Variants in USPL1 observed in about 807,000 individuals in gnomAD.
USPL1 encodes the protein SUMO-specific isopeptidase USPL1.
A neutral mutation model predicts 51.5 loss-of-function variants in USPL1; 27 were observed. That is an observed-to-expected ratio of 0.52 (90% confidence interval 0.39 to 0.72). USPL1 has a LOEUF of 0.72. USPL1 is among the 30% of genes least tolerant of loss of function. The pLI is 0.00. For synonymous variants in USPL1, 451 were observed against 459.6 expected (o/e 0.98, Z 0.24); for missense variants, 1,226 against 1,268.0 (o/e 0.97, Z 0.50).
chr13:30,639,478 C>T (rs1450337338), intron 5 of USPL1, among the ~76,000 whole-genome samples: 2 of 151,904 alleles, frequency 1.3e-5, no homozygotes, highest in Non-Finnish European at 2.9e-5. Flanking sequence ...TCTGATTTTT[C>T]GTATGCCAAA....
At chr13:30,640,619 G>GGCAGTGGT (rs771045850) in intron 5 of USPL1, among the ~76,000 whole-genome samples, 1 of 152,176 alleles carries the variant, frequency 6.6e-6, no homozygotes, top group Non-Finnish European at 1.5e-5. Flanking sequence ...GAAACCAGGA[G>GGCAGTGGT]GCAGTGGTTG....
chr13:30,651,787 C>A (rs1951095107), intron 7 of USPL1, among the ~76,000 whole-genome samples: 1 of 152,058 alleles, frequency 6.6e-6, no homozygotes, highest in African/African-American at 2.4e-5. Flanking sequence ...ATGGTGAAAC[C>A]CTGTCTTTAC....
chr13:30,631,114 G>A lies in USPL1; in HGVS notation c.508G>A (p.Glu170Lys). 2 of 1,614,152 alleles carry A rather than the reference G, an allele frequency of 1.2e-6. No homozygotes were observed. Among genetic ancestry groups the A allele is most frequent in the Non-Finnish European group, 1.7e-6 (2 of 1,180,048 alleles). ...TCCAATTAGGACAGCTGATTCCTTGGAGCGGAATGAGATTTTGGAAGCTGA... is the reference window on the plus strand; with the variant it reads ...TCCAATTAGGACAGCTGATTCCTTGAAGCGGAATGAGATTTTGGAAGCTGA... Reference protein sequence around the residue: ...QNPIRTADSLERNEILEADTV... With the variant: ...QNPIRTADSLKRNEILEADTV... The change falls in exon 4 of 9, where the codon GAG becomes AAG. Residue 170 changes from glutamate (E) to lysine (K), a missense_variant. Transcript: ENST00000255304.
intron 7 of USPL1, among the ~76,000 whole-genome samples, chr13:30,649,963 A>G (rs1951067670): frequency 4.6e-5 from 7 of 152,172 alleles, no homozygotes; most frequent in Admixed American, 4.6e-4. Context: ...CTCGACTCTG[A>G]GCATCATCCT....
rs1950790610 is a variant in USPL1 at position 30,630,746 on chromosome 13, TCTATACA to T, written c.229-88_229-82del. On this transcript the variant is annotated intron_variant, in intron 3 of 8. Transcript: ENST00000255304. Reference sequence around the variant, plus strand: ...CCTGTCATCAAATCAATGCTAACATTCTATACATGTTTTTCATGATATGAAAACTATA... The same window carrying T: ...CCTGTCATCAAATCAATGCTAACATTTGTTTTTCATGATATGAAAACTATA... 15 of 1,341,188 alleles carry T rather than the reference TCTATACA, an allele frequency of 1.1e-5. No individual in the cohort carries two copies. The South Asian group carries it at 2.1e-4, about 19-fold the overall frequency. The allele number at this position is 1,341,188 out of a possible 1,614,324, so 83.1% of individuals were successfully genotyped here.
intron 8 of USPL1, among the ~76,000 whole-genome samples, chr13:30,655,442 A>G (rs1396236232): frequency 6.6e-6 from 1 of 152,122 alleles, no homozygotes; most frequent in Non-Finnish European, 1.5e-5. Context: ...TAATCTTTGC[A>G]TTCCTTAAGA....
At chr13:30,655,216 C>T (rs1951145960) in intron 8 of USPL1, among the ~76,000 whole-genome samples, 1 of 152,216 alleles carries the variant, frequency 6.6e-6, no homozygotes, top group African/African-American at 2.4e-5. Flanking sequence ...GGATTACAGG[C>T]ATGAGCCACC....
intron 6 of USPL1, among the ~76,000 whole-genome samples, chr13:30,643,200 C>T (rs1334796057): frequency 1.3e-5 from 2 of 152,190 alleles, no homozygotes; most frequent in Non-Finnish European, 2.9e-5. Flanking sequence ...GAAGCCTACA[C>T]ATGAGTCTTC....
chr13:30,642,767 T>C lies in USPL1; in HGVS notation c.1112+10T>C. ...ACCAATATCAAAACAGGTTAGTTTC[T>C]TTTGTTTTTTAAAATGGGTTCTTCT... On this transcript the variant is annotated intron_variant, in intron 6 of 8. Coordinates refer to ENST00000255304, the MANE Select transcript of USPL1 (RefSeq NM_005800.5). The C allele has an allele frequency of 6.2e-7, 1 of 1,604,702 alleles. No individual in the cohort carries two copies. The highest frequency in any genetic ancestry group is 1.1e-5 in the South Asian group (1 of 89,578).
intron 5 of USPL1, among the ~76,000 whole-genome samples, chr13:30,639,367 CT>C (rs1412524087): frequency 6.6e-6 from 1 of 151,760 alleles, no homozygotes; most frequent in African/African-American, 2.4e-5. Flanking sequence ...CTAATTTTCA[CT>C]TTTTTTCCTA....
At chr13:30,629,302 G>C (rs1318069054) in intron 3 of USPL1, among the ~76,000 whole-genome samples, 2 of 152,084 alleles carry the variant, frequency 1.3e-5, no homozygotes, top group African/African-American at 4.8e-5. Flanking sequence ...CCAGGAGTTT[G>C]AGAGCAGCCT....
At chr13:30,646,756 A>G (rs1304596642) in intron 6 of USPL1, among the ~76,000 whole-genome samples, 176 bp from the exon 7 acceptor site, 1 of 152,218 alleles carries the variant, frequency 6.6e-6, no homozygotes, top group East Asian at 1.9e-4. Context: ...ATTAACATGG[A>G]GCATCTTCAC....
intron 1 of USPL1, among the ~76,000 whole-genome samples, chr13:30,618,600 A>C (rs1184551989): frequency 6.6e-6 from 1 of 151,994 alleles, no homozygotes; most frequent in Non-Finnish European, 1.5e-5. Context: ...ATTAAGTTTA[A>C]TTGAATACTT....
chr13:30,659,166 C>T lies in USPL1; in HGVS notation c.3089C>T (p.Thr1030Ile), dbSNP rs1307881587. ...LRQDHNYCSP[T>I]KKNPCEVQPD... ...CAGGACCATAATTATTGTAGCCCCA[C>T]CAAGAAAAATCCATGTGAAGTTCAG... is the stretch of plus-strand genomic sequence containing the variant. The change falls in exon 9 of 9, where the codon ACC (threonine) becomes ATC (isoleucine). Residue 1030 changes from threonine (T) to isoleucine (I), a missense_variant. Thr to Ile is a moderately conservative substitution (Grantham distance 89). Coordinates refer to ENST00000255304, the MANE Select transcript of USPL1 (RefSeq NM_005800.5). 3 of 1,613,938 alleles carry T rather than the reference C, an allele frequency of 1.9e-6. No homozygotes were observed. Among genetic ancestry groups the T allele is most frequent in the African/African-American group, 1.3e-5 (1 of 74,878 alleles).
At position 30,657,767 on chromosome 13, in the gene USPL1, A is replaced by G; in HGVS notation, c.1690A>G (p.Thr564Ala). ...TGCCCCTCGTACTCTTTCACAGGAC[A>G]CAGCTGTAACTCATGGAGATCATTT... Reference protein sequence around the residue: ...SVAPRTLSQDTAVTHGDHLLS... With the variant: ...SVAPRTLSQDAAVTHGDHLLS... The change falls in exon 9 of 9, where the codon ACA (threonine) becomes GCA (alanine). Residue 564 changes from threonine to alanine, a missense_variant. By Grantham distance (58) the Thr-to-Ala change is moderately conservative. Transcript: ENST00000255304. 1 of 1,614,182 alleles carries G rather than the reference A, an allele frequency of 6.2e-7. No homozygotes were observed. Among genetic ancestry groups the G allele is most frequent in the Non-Finnish European group, 8.5e-7 (1 of 1,180,032 alleles).
intron 3 of USPL1, among the ~76,000 whole-genome samples, chr13:30,623,152 G>C (rs1950665957): frequency 6.6e-6 from 1 of 152,050 alleles, no homozygotes. Context: ...AATGAAAAGT[G>C]CAATTCGAGC....
chr13:30,619,092 C>T (rs1335566175), intron 1 of USPL1, among the ~76,000 whole-genome samples: 1 of 152,116 alleles, frequency 6.6e-6, no homozygotes, highest in Admixed American at 6.5e-5. Context: ...AGGATGGAGA[C>T]GCCCACATTT....
Position 30,657,684 on chromosome 13 carries a change from T to G in USPL1, c.1607T>G (p.Val536Gly), listed in dbSNP as rs1408789679. 2 of 1,614,046 alleles carry G rather than the reference T, an allele frequency of 1.2e-6. No individual in the cohort carries two copies. The highest frequency in any genetic ancestry group is 2.7e-5 in the African/African-American group (2 of 74,934). Reference sequence around the variant, plus strand: ...CCAGTATCTTTAACATCGTGTTCTGTGGGTGATGCTGCCTCAGCTGAAACA... The same window carrying G: ...CCAGTATCTTTAACATCGTGTTCTGGGGGTGATGCTGCCTCAGCTGAAACA... Reference protein sequence around the residue: ...EKPVSLTSCSVGDAASAETAS... With the variant: ...EKPVSLTSCSGGDAASAETAS... Residue 536 changes from valine (V) to glycine (G), a missense_variant, in exon 9 of 9, where the codon GTG becomes GGG. Physicochemically the swap from Val to Gly is moderately radical, Grantham distance 109. Coordinates refer to ENST00000255304, the MANE Select transcript of USPL1 (RefSeq NM_005800.5).
At chr13:30,630,178 G>T (rs1472876216) in intron 3 of USPL1, among the ~76,000 whole-genome samples, 1 of 152,116 alleles carries the variant, frequency 6.6e-6, no homozygotes, top group Admixed American at 6.5e-5. Flanking sequence ...GACCTTTAGT[G>T]TAGAGGGTTC....
Sources: allele counts gnomAD v4.1 joint callset (sites outside exome capture counted in the v4.1 genomes callset), GRCh38; gene constraint gnomAD v4.1.1; transcripts MANE v1.5; gene names NCBI Gene and HGNC (gene_info 2026-07-23, HGNC 2026-07-21).